TLN1: variants seen among roughly 807,000 people sequenced by gnomAD.
TLN1 encodes talin-1.
A neutral mutation model predicts 292.3 loss-of-function variants in TLN1; 56 were observed. The ratio of observed to expected loss-of-function variants is 0.19; its 90% CI spans 0.15 to 0.24. TLN1 has a LOEUF of 0.24. Ranked by LOEUF, TLN1 falls within the 10% of genes least tolerant of loss-of-function variation. TLN1 has a pLI of 1.00. For synonymous variants in TLN1, 1,119 were observed against 1,253.7 expected, an observed-to-expected ratio of 0.89 and a Z score of 2.27; for missense variants, 2,433 against 3,248.2, an observed-to-expected ratio of 0.75 and a Z score of 6.10.
chr9:35,731,521 CA>C (rs1826079030), intron 1 of TLN1, among the ~76,000 whole-genome samples: 1 of 151,198 alleles, frequency 6.6e-6, no homozygotes, highest in Admixed American at 6.6e-5. Flanking sequence ...CCGACCATGC[CA>C]ACATTCTTTA....
At position 35,714,139 on chromosome 9, in the gene TLN1, C is replaced by T; in HGVS notation, c.3121-58G>A. ...GTCCTGCTGTGTCTCACCAATGCCT[C>T]TGATTACACAATTATCTGCGTATTG... On this transcript the variant is annotated intron_variant, in intron 24 of 56. Coordinates refer to ENST00000314888, the MANE Select transcript of TLN1 (RefSeq NM_006289.4). The surrounding 1 kb of genome is among the most constrained non-coding windows in gnomAD (Gnocchi z 4.6). 6.2e-7 allele frequency: 1 copy of T among 1,606,550 alleles called. No individual in the cohort carries two copies. The highest frequency in any genetic ancestry group is 8.5e-7 in the Non-Finnish European group (1 of 1,174,002).
intron 33 of TLN1, 60 bp downstream of exon 33, chr9:35,710,501 G>C: frequency 6.3e-7 from 1 of 1,577,206 alleles, no homozygotes; most frequent in Non-Finnish European, 8.6e-7. Context: ...ATGTCAGGCT[G>C]AGAGAAAATG....
At position 35,717,789 on chromosome 9, in the gene TLN1, G is replaced by A; in HGVS notation, c.1996-3C>T. The A allele has an allele frequency of 6.3e-7, 1 of 1,592,702 alleles. No homozygotes were observed. The highest frequency in any genetic ancestry group is 8.6e-7 in the Non-Finnish European group (1 of 1,163,798). On this transcript the variant is annotated splice_polypyrimidine_tract_variant and splice_region_variant and intron_variant, in intron 17 of 56. Transcript: ENST00000314888. This position sits in a 1 kb window ranked among gnomAD's most constrained non-coding sequence, Gnocchi z 4.7. ...TTGGCGAGCTGCATTAGCGCATCCT[G>A]TGAGAAAACAGCAGTTAGCATGACC...
chr9:35,697,833 C>T lies in TLN1; in HGVS notation c.7584G>A (p.Gln2528=). 1.9e-6 allele frequency: 3 copies of T among 1,614,170 alleles called. No individual in the cohort carries two copies. Among genetic ancestry groups the T allele is most frequent in the South Asian group, 1.1e-5 (1 of 91,092 alleles). Residue 2528 remains glutamine, a synonymous_variant, in exon 57 of 57, where the codon CAG becomes CAA. Coordinates refer to ENST00000314888, the MANE Select transcript of TLN1 (RefSeq NM_006289.4). Reference sequence around the variant, plus strand: ...GCTCTGAAGGCAGAAACTTGTACTGCTGCTGCCGGATCTGGGCCAGTTTCT... The same window carrying T: ...GCTCTGAAGGCAGAAACTTGTACTGTTGCTGCCGGATCTGGGCCAGTTTCT... The part of the protein sequence containing the change: ...ARKKLAQIRQ[Q]QYKFLPSELR...
rs1825405548 is a variant in TLN1, at chr9:35,698,416, T to C, written c.7278A>G (p.Ser2426=). 1.2e-6 allele frequency: 2 copies of C among 1,613,898 alleles called. No individual in the cohort carries two copies. The highest frequency in any genetic ancestry group is 1.7e-6 in the Non-Finnish European group (2 of 1,179,878). Residue 2426 remains serine, a synonymous_variant, in exon 55 of 57, where the codon TCA becomes TCG. Coordinates refer to ENST00000314888, the MANE Select transcript of TLN1 (RefSeq NM_006289.4). The surrounding 1 kb of genome is among the most constrained non-coding windows in gnomAD (Gnocchi z 5.3). The stretch of plus-strand genomic sequence containing the variant: ...TGGAGGCAGCTACCTGCTTGGCTGA[T>C]GAGATGAGCTTCTCCTGGCTGGCAT... ...QGHASQEKLI[S]SAKQVAASTA...
rs41359844 is a variant in TLN1 at position 35,719,375 on chromosome 9, A to C, written c.1688-93T>G. The stretch of plus-strand genomic sequence containing the variant: ...CAAAGTCACACCCAGTTAGTCACAC[A>C]CATGTCCACAGAAAGACGCACACAC... On this transcript the variant is annotated intron_variant, in intron 15 of 56. Transcript: ENST00000314888. The surrounding 1 kb of genome is among the most constrained non-coding windows in gnomAD (Gnocchi z 4.6). The C allele has an allele frequency of 3.5e-3, 4,893 of 1,383,878 alleles. 125 individuals are homozygous for C. In the African/African-American group the frequency reaches 0.061, roughly 17 times the overall value. 85.7% of individuals were successfully genotyped at this position (1,383,878 alleles called of 1,614,324 possible).
Position 35,707,988 on chromosome 9 carries a change from C to T in TLN1, c.4471-96G>A. 4 of 1,407,092 alleles carry T rather than the reference C, an allele frequency of 2.8e-6. No individual in the cohort carries two copies. Among genetic ancestry groups the T allele is most frequent in the Non-Finnish European group, 2.9e-6 (3 of 1,027,026 alleles). 87.2% of individuals were successfully genotyped at this position (1,407,092 alleles called of 1,614,324 possible). Reference sequence around the variant, plus strand: ...TAGGGTCAGGGGATGGAGAGCAATACCCTGAGGAGTCAAAACAGGAATAAC... The same window carrying T: ...TAGGGTCAGGGGATGGAGAGCAATATCCTGAGGAGTCAAAACAGGAATAAC... On this transcript the variant is annotated intron_variant, in intron 34 of 56. Transcript: ENST00000314888. This position sits in a 1 kb window ranked among gnomAD's most constrained non-coding sequence, Gnocchi z 5.6.
At position 35,711,411 on chromosome 9, in the gene TLN1, G is replaced by C; in HGVS notation, c.3880-17C>G. 1 of 1,614,156 alleles carries C rather than the reference G, an allele frequency of 6.2e-7. No homozygotes were observed. Among genetic ancestry groups the C allele is most frequent in the Non-Finnish European group, 8.5e-7 (1 of 1,180,014 alleles). On this transcript the variant is annotated splice_polypyrimidine_tract_variant and intron_variant, in intron 29 of 56. Coordinates refer to ENST00000314888, the MANE Select transcript of TLN1 (RefSeq NM_006289.4). Reference sequence around the variant, plus strand: ...CTCCTGGCTCTGTTGAAGGTGACAAGGTCAATGCATTGTCCTGTCCTTTCT... The same window carrying C: ...CTCCTGGCTCTGTTGAAGGTGACAACGTCAATGCATTGTCCTGTCCTTTCT...
In TLN1 at chr9:35,713,049, G is replaced by C; in HGVS notation, c.3353-6C>G. 1.3e-6 allele frequency: 2 copies of C among 1,597,308 alleles called. No homozygotes were observed. The highest frequency in any genetic ancestry group is 2.7e-5 in the African/African-American group (2 of 74,698). ...CACATCCCGAGCTGCAATACCTTGG[G>C]AGATGAGGAGAAAGAGGGAAGGGAA... On this transcript the variant is annotated splice_region_variant and splice_polypyrimidine_tract_variant and intron_variant, in intron 26 of 56. Coordinates refer to ENST00000314888, the MANE Select transcript of TLN1 (RefSeq NM_006289.4).
Position 35,717,073 on chromosome 9 carries a change from C to T in TLN1, c.2458+73G>A. 1 of 1,518,864 alleles carries T rather than the reference C, an allele frequency of 6.6e-7. No individual in the cohort carries two copies. The highest frequency in any genetic ancestry group is 1.3e-5 in the South Asian group (1 of 76,272). The allele number at this position is 1,518,864 out of a possible 1,614,324, so 94.1% of individuals were successfully genotyped here. ...CCTTGGGGTGAAGTGGTTAGGTCCG[C>T]AAGGGGATGATGTCCAGTGGGCTTA... is the stretch of plus-strand genomic sequence containing the variant. On this transcript the variant is annotated intron_variant, in intron 19 of 56. Coordinates refer to ENST00000314888, the MANE Select transcript of TLN1 (RefSeq NM_006289.4). This position sits in a 1 kb window ranked among gnomAD's most constrained non-coding sequence, Gnocchi z 4.7.
In TLN1 at chr9:35,705,645, T is replaced by C. The variant is rs1825551507; in HGVS notation, c.5639A>G (p.Glu1880Gly). 1.2e-6 allele frequency: 2 copies of C among 1,610,632 alleles called. No homozygotes were observed. Among genetic ancestry groups the C allele is most frequent in the Non-Finnish European group, 8.5e-7 (1 of 1,177,074 alleles). The change falls in exon 43 of 57, where the codon GAG becomes GGG. Residue 1880 changes from glutamate to glycine, a missense_variant. Physicochemically the swap from Glu to Gly is moderately conservative, Grantham distance 98. Coordinates refer to ENST00000314888, the MANE Select transcript of TLN1 (RefSeq NM_006289.4). Reference protein sequence around the residue: ...EMVTKSNTSPEELGPLANQLT... With the variant: ...EMVTKSNTSPGELGPLANQLT... ...CTGGTTAGCAAGAGGGCCCAGCTCC[T>C]CTGGGCTGGTGTTTGACTTGGTAAC...
Position 35,711,831 on chromosome 9 carries a change from A to C in TLN1, c.3682-39T>G, listed in dbSNP as rs1306401273. ...GGGGAAGTCAGACAGAAGAGTGGGG[A>C]ATGATGCAGGGAGAAGTCTGGTAAA... On this transcript the variant is annotated intron_variant, in intron 28 of 56. Transcript: ENST00000314888. 1.9e-6 allele frequency: 3 copies of C among 1,612,368 alleles called. No homozygotes were observed. The Admixed American group carries it at 5.0e-5, about 27-fold the overall frequency.
Position 35,711,730 on chromosome 9 carries a change from C to T in TLN1, c.3744G>A (p.Gly1248=). The part of the protein sequence containing the change: ...AQSRLNEAAA[G]LNQAATELVQ... ...CCAGTTCTGTGGCTGCCTGATTCAG[C>T]CCAGCAGCAGCTTCATTCAACCGGC... Residue 1248 remains glycine (G), a synonymous_variant, in exon 29 of 57, where the codon GGG becomes GGA. Coordinates refer to ENST00000314888, the MANE Select transcript of TLN1 (RefSeq NM_006289.4). 3 of 1,614,126 alleles carry T rather than the reference C, an allele frequency of 1.9e-6. No homozygotes were observed. Among genetic ancestry groups the T allele is most frequent in the Non-Finnish European group, 2.5e-6 (3 of 1,180,038 alleles).
In TLN1 at chr9:35,719,926, G is replaced by T; in HGVS notation, c.1465-73C>A. On this transcript the variant is annotated intron_variant, in intron 13 of 56. Coordinates refer to ENST00000314888, the MANE Select transcript of TLN1 (RefSeq NM_006289.4). This position sits in a 1 kb window ranked among gnomAD's most constrained non-coding sequence, Gnocchi z 4.6. ...AAAGAGAAGGTAAAAGAGAACCAGGGTCTAGGGAGAGAATACAAATAGGGA... is the reference window on the plus strand; with the variant it reads ...AAAGAGAAGGTAAAAGAGAACCAGGTTCTAGGGAGAGAATACAAATAGGGA... 6.3e-7 allele frequency: 1 copy of T among 1,576,674 alleles called. No homozygotes were observed. The highest frequency in any genetic ancestry group is 8.6e-7 in the Non-Finnish European group (1 of 1,156,656).
In TLN1 at chr9:35,698,755, T is replaced by C; in HGVS notation, c.7125+53A>G. On this transcript the variant is annotated intron_variant, in intron 53 of 56. Transcript: ENST00000314888. The surrounding 1 kb of genome is among the most constrained non-coding windows in gnomAD (Gnocchi z 5.3). Reference sequence around the variant, plus strand: ...GACTCGCTGGCTATGGATGTGGATGTGGACATCAAAGTGCCAACCTGTCCC... The same window carrying C: ...GACTCGCTGGCTATGGATGTGGATGCGGACATCAAAGTGCCAACCTGTCCC... The C allele has an allele frequency of 6.2e-7, 1 of 1,613,838 alleles. No homozygotes were observed. The highest frequency in any genetic ancestry group is 8.5e-7 in the Non-Finnish European group (1 of 1,179,722).
chr9:35,723,785 AAG>A, intron 7 of TLN1, 165 bp downstream of exon 7: 1 of 966,178 alleles, frequency 1.0e-6, no homozygotes, highest in South Asian at 1.5e-5. Context: ...AGAGGCAGAG[AAG>A]AGACAATGGA....
intron 29 of TLN1, 50 bp downstream of exon 29, chr9:35,711,545 A>T: frequency 3.1e-6 from 5 of 1,612,760 alleles, no homozygotes; most frequent in Non-Finnish European, 4.2e-6. Context: ...ACTGCCTCCT[A>T]TCTAACCCTT....
intron 48 of TLN1, among the ~76,000 whole-genome samples, chr9:35,702,180 A>G (rs1031631204): frequency 2.6e-5 from 4 of 152,218 alleles, no homozygotes; most frequent in Non-Finnish European, 5.9e-5. Context: ...AAGATGACTG[A>G]GGTGGAATCT....
Position 35,700,344 on chromosome 9 carries a change from G to C in TLN1, c.6507C>G (p.Thr2169=). 1 of 1,604,412 alleles carries C rather than the reference G, an allele frequency of 6.2e-7. No homozygotes were observed. The highest frequency in any genetic ancestry group is 8.5e-7 in the Non-Finnish European group (1 of 1,171,964). The change falls in exon 49 of 57, where the codon ACC becomes ACG. Residue 2169 remains threonine (T), a synonymous_variant. Coordinates refer to ENST00000314888, the MANE Select transcript of TLN1 (RefSeq NM_006289.4). ...TTCGGATGAAGTCTTCTGGGGTAGA[G>C]GTCTTGGCAGGTGGCTCTGGGGAAC... ...VFCSPEPPAK[T]STPEDFIRMT...
Sources: gnomAD v4.1 joint callset for allele counts (sites outside exome capture counted in the v4.1 genomes callset) on GRCh38, gnomAD v4.1.1 for gene constraint, Gnocchi (gnomAD v3.1) non-coding constraint, MANE v1.5 for transcripts, NCBI Gene and HGNC (gene_info 2026-07-23, HGNC 2026-07-21) for gene names.